Variants in BCR observed in about 807,000 individuals in gnomAD.
BCR encodes the protein breakpoint cluster region protein.
A neutral mutation model predicts 138.6 loss-of-function variants in BCR; 58 were observed. The ratio of observed to expected loss-of-function variants is 0.42; its 90% confidence interval spans 0.34 to 0.52. BCR has a LOEUF of 0.52. Among genes scored for constraint, BCR ranks in the 20% least tolerant of loss-of-function variants. The pLI, the probability that BCR is intolerant of heterozygous loss-of-function variation, is 0.06. For missense variants in BCR, 1,599 were observed against 1,727.2 expected (o/e 0.93, Z 1.32); for synonymous variants, 786 against 730.1 (o/e 1.08, Z -1.23).
At position 23,314,669 on chromosome 22, in the gene BCR, G is replaced by C. The variant is rs1260527344; in HGVS notation, c.3681G>C (p.Gln1227His). The C allele has an allele frequency of 6.2e-7, 1 of 1,611,742 alleles. No individual in the cohort carries two copies. Among genetic ancestry groups the C allele is most frequent in the Non-Finnish European group, 8.5e-7 (1 of 1,179,846 alleles). ...KESKLPANPS[Q>H]PITMTDSWSL... ...GCAAGCTCCCTGCCAACCCCAGCCA[G>C]CCTATCACCATGACTGACAGCTGGT... is the stretch of plus-strand genomic sequence containing the variant. The change falls in exon 22 of 23, where the codon CAG becomes CAC. Residue 1227 changes from glutamine to histidine, a missense_variant. By Grantham distance (24) the Gln-to-His change is conservative (BLOSUM62 0). Around this residue, in one of 4 missense-constraint regions of BCR, gnomAD observed 177 missense variants for 226.4 expected, o/e 0.78. Transcript: ENST00000305877.
At chr22:23,225,003 G>A (rs949405825) in intron 1 of BCR, among the ~76,000 whole-genome samples, 9 of 151,968 alleles carry the variant, frequency 5.9e-5, no homozygotes, top group Admixed American at 2.6e-4. Context: ...GACAGCCACC[G>A]AGACCCGGCA....
intron 1 of BCR, among the ~76,000 whole-genome samples, chr22:23,229,123 C>T (rs1471538014): frequency 1.3e-5 from 2 of 152,066 alleles, no homozygotes; most frequent in Non-Finnish European, 2.9e-5. Context: ...TCACTGACTC[C>T]ATTGTCATCT....
intron 1 of BCR, among the ~76,000 whole-genome samples, chr22:23,211,579 G>A (rs887686472): frequency 2.6e-5 from 4 of 151,980 alleles, no homozygotes; most frequent in East Asian, 1.9e-4. Flanking sequence ...TCCGCCTGCC[G>A]GGTTCAAGGA....
At chr22:23,295,705 C>G (rs1215106122) in intron 16 of BCR, among the ~76,000 whole-genome samples, 1 of 152,146 alleles carries the variant, frequency 6.6e-6, no homozygotes. Flanking sequence ...TGTGTCCATA[C>G]AGGACCAGCA....
chr22:23,291,819 G>T (rs2073790715), intron 14 of BCR, among the ~76,000 whole-genome samples: 1 of 152,122 alleles, frequency 6.6e-6, no homozygotes, highest in African/African-American at 2.4e-5. Context: ...CATCAGTGAG[G>T]CTTCTTAGTC....
intron 1 of BCR, among the ~76,000 whole-genome samples, chr22:23,245,821 T>G (rs972010555): frequency 4.0e-5 from 6 of 151,014 alleles, no homozygotes; most frequent in African/African-American, 1.5e-4. Context: ...AAAAAAAAAA[T>G]TGAGGTAAAA....
chr22:23,301,918 C>T (rs1421891441), intron 16 of BCR, among the ~76,000 whole-genome samples: 1 of 152,226 alleles, frequency 6.6e-6, no homozygotes, highest in African/African-American at 2.4e-5. Flanking sequence ...GGTCCTCTTG[C>T]ACCTGCCCAC....
chr22:23,199,507 G>A (rs1310181514), intron 1 of BCR, among the ~76,000 whole-genome samples: 2 of 152,194 alleles, frequency 1.3e-5, no homozygotes, highest in African/African-American at 2.4e-5. Flanking sequence ...GCTTCTTGTG[G>A]AAGCGTCTGC....
At chr22:23,268,698 C>G (rs1277527388) in intron 5 of BCR, among the ~76,000 whole-genome samples, 183 bp downstream of exon 5, 1 of 152,246 alleles carries the variant, frequency 6.6e-6, no homozygotes, top group Non-Finnish European at 1.5e-5. Context: ...ACCGAAGGAG[C>G]AGCCCACAGG....
intron 16 of BCR, among the ~76,000 whole-genome samples, chr22:23,295,446 A>T (rs1401506795): frequency 6.6e-6 from 1 of 152,136 alleles, no homozygotes; most frequent in Non-Finnish European, 1.5e-5. Context: ...GCCTTAGGAG[A>T]ACCCAAGGTG....
chr22:23,231,685 A>G (rs538148183), intron 1 of BCR, among the ~76,000 whole-genome samples: 1 of 152,286 alleles, frequency 6.6e-6, no homozygotes, highest in Non-Finnish European at 1.5e-5. Context: ...TGGAGGAGGC[A>G]TGGAATCCTA....
rs115134623 is a variant in BCR, at chr22:23,315,408, T to C, written c.3727-25T>C. 5.4e-3 allele frequency: 8,756 copies of C among 1,611,270 alleles called. 44 individuals are homozygous for C. Among genetic ancestry groups the C allele is most frequent in the South Asian group, 8.9e-3 (808 of 90,996 alleles). On this transcript the variant is annotated intron_variant, in intron 22 of 22. Transcript: ENST00000305877. ...TGTGAGCCCCGCTCTGAGCCACTCTTCTCTTCCCTACTCTGCCCGGGCAGG... is the reference window on the plus strand; with the variant it reads ...TGTGAGCCCCGCTCTGAGCCACTCTCCTCTTCCCTACTCTGCCCGGGCAGG...
intron 1 of BCR, among the ~76,000 whole-genome samples, chr22:23,185,908 T>A (rs185830296): frequency 6.8e-4 from 104 of 152,058 alleles, no homozygotes; most frequent in Non-Finnish European, 1.3e-3. Context: ...TTTTTGTATT[T>A]TTAGTAGAGA....
At chr22:23,222,252 G>A (rs2072833373) in intron 1 of BCR, among the ~76,000 whole-genome samples, 1 of 152,204 alleles carries the variant, frequency 6.6e-6, no homozygotes, top group Non-Finnish European at 1.5e-5. Context: ...TAGGTGCTCA[G>A]TTAATGCTTG....
intron 8 of BCR, among the ~76,000 whole-genome samples, chr22:23,281,476 C>T (rs1204174125): frequency 2.0e-5 from 3 of 152,236 alleles, no homozygotes; most frequent in Non-Finnish European, 2.9e-5. Context: ...GGCTGCTGAG[C>T]GCTTCCGAGA....
chr22:23,243,541 C>G (rs1004339285), intron 1 of BCR, among the ~76,000 whole-genome samples: 1 of 152,132 alleles, frequency 6.6e-6, no homozygotes, highest in South Asian at 2.1e-4. Context: ...CAATACACAC[C>G]CTGTTACCCA....
chr22:23,288,916 C>T (rs543830089), intron 12 of BCR, among the ~76,000 whole-genome samples: 6 of 152,336 alleles, frequency 3.9e-5, no homozygotes, highest in Middle Eastern at 6.8e-3. Context: ...CCTGACCTCC[C>T]GCGCCCTCAG....
chr22:23,224,883 C>G (rs936251546), intron 1 of BCR, among the ~76,000 whole-genome samples: 1 of 152,040 alleles, frequency 6.6e-6, no homozygotes, highest in South Asian at 2.1e-4. Flanking sequence ...CTCCATCCCC[C>G]CCAAAAAAAC....
At chr22:23,294,900 T>C (rs2073828106) in intron 15 of BCR, 124 bp from the exon 16 acceptor site, 1 of 1,211,026 alleles carries the variant, frequency 8.3e-7, no homozygotes, top group African/African-American at 1.5e-5. Context: ...GGGAGGAGGG[T>C]CTCAGGCATT....
Sources: allele counts gnomAD v4.1 joint callset (sites outside exome capture counted in the v4.1 genomes callset), GRCh38; gene constraint gnomAD v4.1.1; regional missense constraint gnomAD v4.1.1; transcripts MANE v1.5; gene names NCBI Gene and HGNC (gene_info 2026-07-23, HGNC 2026-07-21).